Variants in NCAM1 observed in about 807,000 individuals in gnomAD.
NCAM1 encodes the protein neural cell adhesion molecule 1.
A neutral mutation model predicts 109.8 loss-of-function variants in NCAM1; 14 were observed. The ratio of observed to expected loss-of-function variants is 0.13; its 90% CI spans 0.08 to 0.20. NCAM1 has a LOEUF of 0.20. Among genes scored for constraint, NCAM1 ranks in the 10% least tolerant of loss-of-function variants. The pLI, the probability that NCAM1 is intolerant of heterozygous loss-of-function variation, is 1.00. For synonymous variants in NCAM1, 418 were observed against 442.9 expected, an observed-to-expected ratio of 0.94 and a Z score of 0.70; for missense variants, 774 against 1,109.9, an observed-to-expected ratio of 0.70 and a Z score of 4.30.
At chr11:113,063,077 GAAAGAAGGCCA>G (rs1937753072) in intron 1 of NCAM1, among the ~76,000 whole-genome samples, 1 of 152,226 alleles carries the variant, frequency 6.6e-6, no homozygotes, top group Non-Finnish European at 1.5e-5. Flanking sequence ...TGCAGCCTCC[GAAAGAAGGCCA>G]GGTTTCTGAA....
chr11:113,252,662 G>C (rs188482904), intron 15 of NCAM1, among the ~76,000 whole-genome samples: 6 of 151,974 alleles, frequency 3.9e-5, no homozygotes, highest in Admixed American at 2.0e-4. Context: ...TTGAGACAAG[G>C]TCTCACTCTG....
intron 1 of NCAM1, among the ~76,000 whole-genome samples, chr11:113,069,972 G>A (rs1182239338): frequency 2.0e-5 from 3 of 152,078 alleles, no homozygotes; most frequent in African/African-American, 4.8e-5. Flanking sequence ...GATTTGTCCA[G>A]CAAAAAATGC....
chr11:113,095,229 G>A (rs1380198451), intron 1 of NCAM1, among the ~76,000 whole-genome samples: 2 of 152,188 alleles, frequency 1.3e-5, no homozygotes, highest in Non-Finnish European at 2.9e-5. Context: ...TTTGTGCTGT[G>A]TCTTTAATTC....
intron 1 of NCAM1, among the ~76,000 whole-genome samples, chr11:113,054,955 C>T (rs2135431833): frequency 6.6e-6 from 1 of 152,244 alleles, no homozygotes; most frequent in South Asian, 2.1e-4. Flanking sequence ...TGTCATTGGC[C>T]ATCTTAGGGC....
At chr11:113,070,534 A>G (rs1938213045) in intron 1 of NCAM1, among the ~76,000 whole-genome samples, 1 of 152,122 alleles carries the variant, frequency 6.6e-6, no homozygotes, top group Non-Finnish European at 1.5e-5. Flanking sequence ...GGGAAAGATG[A>G]GAGATAGAGG....
At chr11:112,997,263 G>A (rs11214447) in intron 1 of NCAM1, among the ~76,000 whole-genome samples, 18,703 of 152,102 alleles carry the variant, frequency 0.12, 1,252 homozygotes, top group East Asian at 0.32. Context: ...GAATTAAAAG[G>A]CTACTTTATT....
At chr11:113,211,916 G>C (rs929513709) in intron 7 of NCAM1, among the ~76,000 whole-genome samples, 2 of 152,170 alleles carry the variant, frequency 1.3e-5, no homozygotes, top group African/African-American at 4.8e-5. Context: ...ACAGTCTGAG[G>C]CACTAAGGCC....
chr11:113,267,410 G>T (rs1946153887), intron 17 of NCAM1, among the ~76,000 whole-genome samples: 2 of 151,762 alleles, frequency 1.3e-5, no homozygotes, highest in Admixed American at 1.3e-4. Context: ...AGCATGGTAG[G>T]TATTGGCTGG....
At chr11:112,993,595 ATTC>A (rs782152269) in intron 1 of NCAM1, among the ~76,000 whole-genome samples, 5 of 152,138 alleles carry the variant, frequency 3.3e-5, no homozygotes, top group Non-Finnish European at 4.4e-5. Context: ...CCTTTTTGTC[ATTC>A]TTCTTCCAAT....
chr11:113,124,480 G>T (rs901980592), intron 1 of NCAM1, among the ~76,000 whole-genome samples: 1 of 152,202 alleles, frequency 6.6e-6, no homozygotes, highest in African/African-American at 2.4e-5. Context: ...CCAAGCAGGG[G>T]CTGACAGCGC....
chr11:113,234,028 CA>C (rs1429692038), intron 13 of NCAM1, among the ~76,000 whole-genome samples: 13 of 152,028 alleles, frequency 8.6e-5, no homozygotes, highest in African/African-American at 3.1e-4. Flanking sequence ...ATATCAGTAT[CA>C]CAGCCATTCA....
At chr11:113,121,303 C>T (rs140472956) in intron 1 of NCAM1, among the ~76,000 whole-genome samples, 106 of 146,550 alleles carry the variant, frequency 7.2e-4, no homozygotes, top group African/African-American at 2.5e-3. Context: ...TTACTGCAAC[C>T]TCTGCCCCCC....
intron 1 of NCAM1, among the ~76,000 whole-genome samples, chr11:113,001,245 G>A (rs1555072379): frequency 6.6e-6 from 1 of 152,164 alleles, no homozygotes; most frequent in East Asian, 1.9e-4. Flanking sequence ...CAGCAAGCAT[G>A]TAGACTGTGG....
rs1555125791 is a variant in NCAM1 at position 113,272,996 on chromosome 11, T to G, written c.2456+1120T>G. The G allele has an allele frequency of 6.6e-6, 3 of 456,768 alleles. No individual in the cohort carries two copies. The Admixed American group carries it at 7.0e-5, about 11-fold the overall frequency. 28.3% of individuals were successfully genotyped at this position (456,768 alleles called of 1,614,324 possible). A position where few individuals can be genotyped will look rare whatever the true frequency, so the allele number is the denominator to read the frequency against. On this transcript the variant is annotated intron_variant, in intron 19 of 19. Coordinates refer to ENST00000316851, the MANE Select transcript of NCAM1 (RefSeq NM_181351.5). ...TGCCTTCTGTCACCACCGTCACCACTAACTCTGACACTATCACCGAAACCT... is the reference window on the plus strand; with the variant it reads ...TGCCTTCTGTCACCACCGTCACCACGAACTCTGACACTATCACCGAAACCT...
At chr11:113,191,694 T>G (rs1591401964) in intron 1 of NCAM1, among the ~76,000 whole-genome samples, 1 of 146,362 alleles carries the variant, frequency 6.8e-6, no homozygotes, top group African/African-American at 2.6e-5. Flanking sequence ...GCACAGAAGA[T>G]AGATAGAGAT....
intron 1 of NCAM1, among the ~76,000 whole-genome samples, chr11:113,044,978 T>C (rs1004732244): frequency 6.6e-6 from 1 of 152,094 alleles, no homozygotes; most frequent in Non-Finnish European, 1.5e-5. Flanking sequence ...ATGGTCTTGA[T>C]CTTCTGACCT....
intron 1 of NCAM1, among the ~76,000 whole-genome samples, chr11:113,019,010 A>G (rs760907761): frequency 1.3e-5 from 2 of 152,130 alleles, no homozygotes; most frequent in Admixed American, 6.5e-5. Context: ...TTTATCCCCT[A>G]TCTTTGCTCT....
chr11:112,979,340 A>G (rs1199216339), intron 1 of NCAM1, among the ~76,000 whole-genome samples: 1 of 151,900 alleles, frequency 6.6e-6, no homozygotes, highest in Non-Finnish European at 1.5e-5. Flanking sequence ...CCAAATGTTT[A>G]TTATAGACAT....
rs1946327984 is a variant in NCAM1, at chr11:113,273,289, G to A, written c.2456+1413G>A. ...CTGGCTAACCAAGGGGCTGTCCTCA[G>A]CCCAAGCGCCCCTGCTGGTGTCGGG... On this transcript the variant is annotated intron_variant, in intron 19 of 19. Transcript: ENST00000316851. The surrounding 1 kb of genome is among the most constrained non-coding windows in gnomAD (Gnocchi z 6.0). 5 of 350,566 alleles carry A rather than the reference G, an allele frequency of 1.4e-5. No homozygotes were observed. Among genetic ancestry groups the A allele is most frequent in the Non-Finnish European group, 1.1e-5 (2 of 177,056 alleles). 21.7% of individuals were successfully genotyped at this position (350,566 alleles called of 1,614,324 possible).
Sources: gnomAD v4.1 joint callset for allele counts (sites outside exome capture counted in the v4.1 genomes callset) on GRCh38, gnomAD v4.1.1 for gene constraint, Gnocchi (gnomAD v3.1) non-coding constraint, MANE v1.5 for transcripts, NCBI Gene and HGNC (gene_info 2026-07-23, HGNC 2026-07-21) for gene names.